DOCK10: variants seen among roughly 807,000 people sequenced by gnomAD.
The protein encoded by DOCK10 is dedicator of cytokinesis 10.
Under a neutral mutation model 280.1 loss-of-function variants are expected in DOCK10, and 145 were observed. The observed-to-expected ratio is 0.52, with a 90% CI of 0.45 to 0.59. DOCK10 has a LOEUF of 0.59. Ranked by LOEUF, DOCK10 falls within the 20% of genes least tolerant of loss-of-function variation. The pLI, the probability that DOCK10 is intolerant of heterozygous loss-of-function variation, is 0.00. For synonymous variants in DOCK10, 915 were observed against 942.2 expected (o/e 0.97, Z 0.53); for missense variants, 2,368 against 2,651.7 (o/e 0.89, Z 2.35).
chr2:224,906,447 C>T (rs1700642146), intron 3 of DOCK10, among the ~76,000 whole-genome samples: 2 of 151,994 alleles, frequency 1.3e-5, no homozygotes. Flanking sequence ...GCAAACCTGA[C>T]CTTGTTTATC....
At chr2:224,773,418 C>G in intron 52 of DOCK10, 71 bp from the exon 53 acceptor site, 1 of 1,372,542 alleles carries the variant, frequency 7.3e-7, no homozygotes, top group Non-Finnish European at 1.0e-6. Flanking sequence ...CCCTGAAGGA[C>G]CAGAGGATCA....
chr2:224,816,845 A>G, intron 29 of DOCK10, 132 bp from the exon 30 acceptor site: 5 of 586,280 alleles, frequency 8.5e-6, no homozygotes, highest in Non-Finnish European at 1.5e-5. Flanking sequence ...TCGGACCACT[A>G]GGTAATTAAG....
chr2:224,972,116 GA>G (rs1052033015), intron 1 of DOCK10, among the ~76,000 whole-genome samples: 3 of 152,100 alleles, frequency 2.0e-5, no homozygotes, highest in African/African-American at 4.8e-5. Context: ...ATATCCTTCA[GA>G]GGGACTGTGG....
At chr2:224,819,562 T>TGAAGAA (rs200042644) in intron 28 of DOCK10, 33 bp from the exon 29 acceptor site, 49,370 of 1,400,628 alleles carry the variant, frequency 0.035, 1,422 homozygotes, top group African/African-American at 0.13. Flanking sequence ...TTTAAACACT[T>TGAAGAA]TTACTTGAAG....
At chr2:224,961,597 C>G (rs1704454710) in intron 1 of DOCK10, among the ~76,000 whole-genome samples, 1 of 151,212 alleles carries the variant, frequency 6.6e-6, no homozygotes, top group South Asian at 2.1e-4. Flanking sequence ...ACCTCCGCCT[C>G]CTGGGTTCAA....
intron 13 of DOCK10, among the ~76,000 whole-genome samples, chr2:224,863,746 C>T (rs1016936151): frequency 3.9e-5 from 6 of 152,096 alleles, no homozygotes; most frequent in African/African-American, 4.8e-5. Flanking sequence ...CCACTGCGCC[C>T]GGCCTTAATA....
At position 224,773,428 on chromosome 2, in the gene DOCK10, A is replaced by G. The variant is rs141329477; in HGVS notation, c.6014-81T>C. ...GGTTTCCCTGAAGGACCAGAGGATC[A>G]TGTATCATTTCACGGCACATGGCAC... On this transcript the variant is annotated intron_variant, in intron 52 of 55. Transcript: ENST00000258390. 1.7e-4 allele frequency: 227 copies of G among 1,305,650 alleles called. 2 individuals carry two copies. The African/African-American group carries it at 2.8e-3, about 16-fold the overall frequency. 80.9% of individuals were successfully genotyped at this position (1,305,650 alleles called of 1,614,324 possible).
intron 14 of DOCK10, among the ~76,000 whole-genome samples, chr2:224,858,267 C>T (rs1697273195): frequency 6.6e-6 from 1 of 152,164 alleles, no homozygotes; most frequent in Admixed American, 6.5e-5. Context: ...GGAAATTGCT[C>T]ACTTACATTG....
At chr2:224,834,022 A>G in intron 26 of DOCK10, 128 bp downstream of exon 26, 2 of 627,048 alleles carry the variant, frequency 3.2e-6, no homozygotes, top group Non-Finnish European at 5.7e-6. Context: ...CTAAGTTTCA[A>G]TATGAACCTT....
intron 7 of DOCK10, among the ~76,000 whole-genome samples, chr2:224,884,315 A>C (rs1417035799): frequency 1.3e-5 from 2 of 152,168 alleles, no homozygotes; most frequent in Admixed American, 6.5e-5. Context: ...GGCCTCCAGG[A>C]GTGGTCTGTG....
At chr2:224,930,588 T>C (rs1179263912) in intron 2 of DOCK10, among the ~76,000 whole-genome samples, 9 of 152,066 alleles carry the variant, frequency 5.9e-5, no homozygotes, top group Admixed American at 5.9e-4. Context: ...AAAAAAACTC[T>C]TTAAAAGCCA....
At chr2:224,783,101 A>G (rs2125052032) in intron 50 of DOCK10, among the ~76,000 whole-genome samples, 1 of 152,236 alleles carries the variant, frequency 6.6e-6, no homozygotes, top group East Asian at 1.9e-4. Flanking sequence ...AGGCATTTGA[A>G]TCTCATCTGA....
intron 2 of DOCK10, 70 bp downstream of exon 2, chr2:224,931,479 A>G: frequency 1.3e-6 from 2 of 1,502,608 alleles, no homozygotes; most frequent in Non-Finnish European, 1.8e-6. Flanking sequence ...CTCTGAATCT[A>G]CAGGGAAAGA....
rs1364987338 is a variant in DOCK10 at position 224,891,113 on chromosome 2, G to A, written c.417-4582C>T. 2.0e-5 allele frequency among the ~76,000 whole-genome samples: 3 copies of A among 152,122 alleles called. No homozygotes were observed. The South Asian group carries it at 6.2e-4, about 32-fold the overall frequency. ...TGGATGGATGGATGGGTGGATGGAT[G>A]GACAGGTTGTGTAATAAAACAAATA... On this transcript the variant is annotated intron_variant, in intron 4 of 55. Transcript: ENST00000258390.
intron 3 of DOCK10, among the ~76,000 whole-genome samples, 165 bp downstream of exon 3, chr2:224,916,530 C>T (rs1295370720): frequency 8.8e-6 from 1 of 113,134 alleles, no homozygotes; most frequent in African/African-American, 3.4e-5. Flanking sequence ...GACAGAGTGA[C>T]ACCCTCCCTC....
Position 224,834,074 on chromosome 2 carries a change from A to T in DOCK10, c.2964+76T>A, listed in dbSNP as rs1197948417. On this transcript the variant is annotated intron_variant, in intron 26 of 55. Coordinates refer to ENST00000258390, the MANE Select transcript of DOCK10 (RefSeq NM_014689.3). ...GAGAAAAAGTCTATGAAAATCCATG[A>T]CTCCTATCATTTTCCAGGAGTAAGC... 4 of 822,710 alleles carry T rather than the reference A, an allele frequency of 4.9e-6. No individual in the cohort carries two copies. The East Asian group carries it at 9.8e-5, about 20-fold the overall frequency. The allele number at this position is 822,710 out of a possible 1,614,324, so 51.0% of individuals were successfully genotyped here.
intron 1 of DOCK10, among the ~76,000 whole-genome samples, chr2:225,015,213 C>T (rs1575166056): frequency 1.3e-5 from 2 of 152,116 alleles, no homozygotes; most frequent in Middle Eastern, 3.4e-3. Context: ...AAAGTATAAA[C>T]ATAAAAAACA....
intron 1 of DOCK10, among the ~76,000 whole-genome samples, chr2:225,002,474 C>T (rs970891047): frequency 6.6e-6 from 1 of 152,192 alleles, no homozygotes; most frequent in Non-Finnish European, 1.5e-5. Flanking sequence ...GATTCCACCT[C>T]TTAGGGTCCT....
At chr2:224,801,282 CAAA>C (rs3083075) in intron 40 of DOCK10, among the ~76,000 whole-genome samples, 7 of 74,634 alleles carry the variant, frequency 9.4e-5, no homozygotes, top group Middle Eastern at 8.9e-3. Flanking sequence ...CAAGACATGG[CAAA>C]AAAAAAAAAA....
Sources: gnomAD v4.1 joint callset for allele counts (sites outside exome capture counted in the v4.1 genomes callset) on GRCh38, gnomAD v4.1.1 for gene constraint, MANE v1.5 for transcripts, NCBI Gene and HGNC (gene_info 2026-07-23, HGNC 2026-07-21) for gene names.